Variants in LMF1 observed in about 807,000 individuals in gnomAD.
LMF1 encodes lipase maturation factor 1.
Under a neutral mutation model 60.6 loss-of-function variants are expected in LMF1, and 68 were observed. That is an observed-to-expected ratio of 1.12 (90% confidence interval 0.92 to 1.37). LMF1 has a LOEUF of 1.37. LMF1 is among the 40% of genes most tolerant of loss of function. The probability of loss-of-function intolerance (pLI) is 0.00; values close to 1 mark genes in which losing one functional copy is unlikely to be tolerated. For synonymous variants in LMF1, 418 were observed against 324.7 expected, an observed-to-expected ratio of 1.29 and a Z score of -3.09; for missense variants, 948 against 767.2, an observed-to-expected ratio of 1.24 and a Z score of -2.78.
At chr16:959,610 G>A (rs1366636285) in intron 1 of LMF1, among the ~76,000 whole-genome samples, 2 of 152,218 alleles carry the variant, frequency 1.3e-5, no homozygotes, top group African/African-American at 4.8e-5. Flanking sequence ...GAAACACACT[G>A]GCCAGAGGGC....
At chr16:925,556 C>T (rs2151773115) in intron 3 of LMF1, among the ~76,000 whole-genome samples, 1 of 152,100 alleles carries the variant, frequency 6.6e-6, no homozygotes, top group South Asian at 2.1e-4. Context: ...ATAGCAAGAC[C>T]CTGTCACTAT....
intron 9 of LMF1, 33 bp from the exon 10 acceptor site, chr16:869,089 G>GC (rs1181851912): frequency 7.2e-7 from 1 of 1,396,988 alleles, no homozygotes; most frequent in Admixed American, 1.7e-5. Flanking sequence ...AGACGGCTGT[G>GC]CCACTCGCTG....
chr16:898,758 A>T (rs2070730488), intron 4 of LMF1, among the ~76,000 whole-genome samples: 1 of 152,240 alleles, frequency 6.6e-6, no homozygotes, highest in Non-Finnish European at 1.5e-5. Context: ...GCCTTCCAGA[A>T]GTTGCTGCCC....
intron 5 of LMF1, among the ~76,000 whole-genome samples, chr16:892,611 C>A (rs964154372): frequency 2.6e-5 from 4 of 152,392 alleles, no homozygotes; most frequent in African/African-American, 9.6e-5. Context: ...AACGATGGAG[C>A]CACAGTTCCG....
intron 4 of LMF1, chr16:898,904 G>A (rs904740698): frequency 3.9e-5 from 6 of 152,098 alleles, no homozygotes; most frequent in African/African-American, 1.4e-4. Context: ...AGAAACCTTC[G>A]GCGTGAACCC....
intron 6 of LMF1, 133 bp downstream of exon 6, chr16:879,437 G>C: frequency 3.8e-6 from 4 of 1,054,340 alleles, no homozygotes; most frequent in South Asian, 1.6e-5. Context: ...ACGAAGGCTG[G>C]GGAGGACAGG....
intron 1 of LMF1, among the ~76,000 whole-genome samples, chr16:958,942 C>T (rs573304609): frequency 3.2e-4 from 48 of 152,134 alleles, no homozygotes; most frequent in African/African-American, 1.1e-3. Flanking sequence ...GTGCCCAATG[C>T]TGCAGAAGGT....
At chr16:930,103 T>C (rs1268065843) in intron 3 of LMF1, among the ~76,000 whole-genome samples, 1 of 101,002 alleles carries the variant, frequency 9.9e-6, no homozygotes, top group Non-Finnish European at 1.9e-5. Context: ...CGCAGGACCC[T>C]GGGACACAGA....
intron 3 of LMF1, among the ~76,000 whole-genome samples, chr16:915,587 G>C (rs2071257400): frequency 6.6e-6 from 1 of 152,066 alleles, no homozygotes; most frequent in Non-Finnish European, 1.5e-5. Flanking sequence ...GGCTGGGCTG[G>C]GCAGCCGGCA....
upstream of LMF1, chr16:981,364 G>A (rs1375425707): frequency 6.5e-6 from 2 of 308,880 alleles, no homozygotes; most frequent in Non-Finnish European, 7.0e-6. Flanking sequence ...GTGTGTGTGT[G>A]TGTGTGTGTG....
chr16:978,189 A>G (rs1478834852), intron 1 of LMF1, among the ~76,000 whole-genome samples: 2 of 148,710 alleles, frequency 1.3e-5, no homozygotes, highest in Non-Finnish European at 3.0e-5. Context: ...CGCACCCCAC[A>G]CACATACATC....
At chr16:862,800 G>C (rs1282000976) in intron 10 of LMF1, among the ~76,000 whole-genome samples, 2 of 152,194 alleles carry the variant, frequency 1.3e-5, no homozygotes, top group African/African-American at 2.4e-5. Flanking sequence ...CGAGGCTACA[G>C]TGAGCCATGT....
At position 959,665 on chromosome 16, in the gene LMF1, G is replaced by A. The variant is rs75042002; in HGVS notation, c.194-4999C>T. Among the ~76,000 whole-genome samples, 429 of 152,304 alleles carry A rather than the reference G, an allele frequency of 2.8e-3. 5 individuals are homozygous for A. The highest frequency in any genetic ancestry group is 9.7e-3 in the African/African-American group (404 of 41,560). On this transcript the variant is annotated intron_variant, in intron 1 of 10. Coordinates refer to ENST00000262301, the MANE Select transcript of LMF1 (RefSeq NM_022773.4). Reference sequence around the variant, plus strand: ...CCGGAAAATGTTCTGAGTGGAGACCGCAAGGCCAGAAGGAGCTGTACACAA... The same window carrying A: ...CCGGAAAATGTTCTGAGTGGAGACCACAAGGCCAGAAGGAGCTGTACACAA...
At chr16:938,436 G>GCGGGGACAGCAGGGA (rs1567277498) in intron 2 of LMF1, among the ~76,000 whole-genome samples, 2 of 152,068 alleles carry the variant, frequency 1.3e-5, no homozygotes, top group East Asian at 3.9e-4. Context: ...ATGGCAGCTC[G>GCGGGGACAGCAGGGA]TGGGGATGGC....
intron 3 of LMF1, among the ~76,000 whole-genome samples, chr16:920,784 T>C (rs1425782379): frequency 2.0e-5 from 3 of 152,166 alleles, no homozygotes; most frequent in African/African-American, 2.4e-5. Flanking sequence ...CAGAGAAACA[T>C]AACACGTTAC....
chr16:916,092 A>G (rs2071273047), intron 3 of LMF1, among the ~76,000 whole-genome samples: 1 of 152,190 alleles, frequency 6.6e-6, no homozygotes, highest in South Asian at 2.1e-4. Context: ...GCCGCCTCTG[A>G]CCAAGGAAGA....
intron 5 of LMF1, among the ~76,000 whole-genome samples, chr16:881,857 CCT>C (rs1435040580): frequency 6.6e-6 from 1 of 152,182 alleles, no homozygotes; most frequent in Non-Finnish European, 1.5e-5. Flanking sequence ...GGGACTTTAA[CCT>C]CTCCTTCCCT....
At chr16:933,929 T>C (rs1438236868) in intron 3 of LMF1, 1 of 1,356,930 alleles carries the variant, frequency 7.4e-7, no homozygotes, top group Non-Finnish European at 9.7e-7. Flanking sequence ...GCCTTGAGCG[T>C]CCACGGGGGA....
chr16:958,405 A>G (rs2072751349), intron 1 of LMF1, among the ~76,000 whole-genome samples: 1 of 152,136 alleles, frequency 6.6e-6, no homozygotes, highest in African/African-American at 2.4e-5. Context: ...ATTAGAAAAC[A>G]AACAACCCAA....
Sources: gnomAD v4.1 joint callset for allele counts (sites outside exome capture counted in the v4.1 genomes callset) on GRCh38, gnomAD v4.1.1 for gene constraint, MANE v1.5 for transcripts, NCBI Gene and HGNC (gene_info 2026-07-23, HGNC 2026-07-21) for gene names.